Variants in FSD1L observed in about 807,000 individuals in gnomAD.
FSD1L encodes the protein fibronectin type III and SPRY domain containing 1 like.
A neutral mutation model predicts 71.6 loss-of-function variants in FSD1L; 45 were observed. The ratio of observed to expected loss-of-function variants is 0.63; its 90% CI spans 0.49 to 0.81. The LOEUF (loss-of-function observed/expected upper bound fraction) is 0.81, where lower values mean the gene tolerates loss of function less well. FSD1L is among the 30% of genes least tolerant of loss of function. The pLI is 0.00. For synonymous variants in FSD1L, 197 were observed against 207.2 expected (o/e 0.95, Z 0.42); for missense variants, 561 against 618.1 (o/e 0.91, Z 0.98).
intron 10 of FSD1L, chr9:105,521,004 T>A: frequency 6.2e-7 from 1 of 1,612,000 alleles, no homozygotes; most frequent in Non-Finnish European, 8.5e-7. Flanking sequence ...TTACTTGCCT[T>A]ATATTTTTCC....
chr9:105,494,406 A>T (rs1161360320), intron 7 of FSD1L, among the ~76,000 whole-genome samples: 1 of 151,854 alleles, frequency 6.6e-6, no homozygotes, highest in Non-Finnish European at 1.5e-5. Flanking sequence ...ATTCGTCTAA[A>T]TTTTTTTCAA....
upstream of FSD1L, among the ~76,000 whole-genome samples, chr9:105,447,026 G>A (rs1048581033): frequency 1.3e-5 from 2 of 151,948 alleles, no homozygotes; most frequent in Non-Finnish European, 2.9e-5. Context: ...CACTAAGAAT[G>A]ACTATAATGG....
chr9:105,508,676 G>T lies in FSD1L; in HGVS notation c.856G>T (p.Ala286Ser). Residue 286 changes from alanine to serine, a missense_variant, in exon 9 of 14, where the codon GCT becomes TCT. Transcript: ENST00000481272. ...FRVRACNKAV[A>S]GEYSDPVTLE... ...AGTGCGAGCTTGTAACAAGGCTGTG[G>T]CTGGAGAGTATTCTGATCCAGTGAC... 6.4e-7 allele frequency: 1 copy of T among 1,551,372 alleles called. No homozygotes were observed. The highest frequency in any genetic ancestry group is 8.7e-7 in the Non-Finnish European group (1 of 1,146,500).
intron 1 of FSD1L, 141 bp from the exon 2 acceptor site, chr9:105,461,379 A>G: frequency 2.3e-6 from 1 of 433,732 alleles, no homozygotes; most frequent in South Asian, 7.4e-5. Context: ...AAAACTCATT[A>G]ATTGTTAAAT....
At chr9:105,524,359 T>C in intron 10 of FSD1L, 1 of 1,613,980 alleles carries the variant, frequency 6.2e-7, no homozygotes, top group South Asian at 1.1e-5. Context: ...ATAGCTACCA[T>C]CACCCATCTT....
chr9:105,442,361 A>G, the FSD1L span, among the ~76,000 whole-genome samples: 1 of 152,106 alleles, frequency 6.6e-6, no homozygotes, highest in East Asian at 1.9e-4. Context: ...AGAATGATGT[A>G]ACCTCACAGT....
chr9:105,488,820 T>G (rs1185397940), intron 7 of FSD1L, among the ~76,000 whole-genome samples: 3 of 64,972 alleles, frequency 4.6e-5, no homozygotes, highest in Admixed American at 1.4e-4. Context: ...TTACATTGGG[T>G]TTTTTTTTTT....
At chr9:105,450,694 TG>T (rs1394593057) in intron 1 of FSD1L, among the ~76,000 whole-genome samples, 2 of 151,850 alleles carry the variant, frequency 1.3e-5, no homozygotes, top group Admixed American at 6.6e-5. Flanking sequence ...CCACCACCCC[TG>T]GCTAATTTTT....
chr9:105,448,174 ACGGTTCG>A lies in FSD1L; in HGVS notation c.-46_-40del, dbSNP rs1215155630. The A allele has an allele frequency of 6.5e-7, 1 of 1,537,158 alleles. No homozygotes were observed. Among genetic ancestry groups the A allele is most frequent in the Non-Finnish European group, 8.8e-7 (1 of 1,138,814 alleles). ...GTGCGATCTCGCTGAGCCTCCTCACACGGTTCGTCGTCTCGGGTTCGAGCCCAGTGGG... is the reference window on the plus strand; with the variant it reads ...GTGCGATCTCGCTGAGCCTCCTCACATCGTCTCGGGTTCGAGCCCAGTGGG... On this transcript the variant is annotated 5_prime_UTR_variant, in exon 1 of 14. Transcript: ENST00000481272.
At chr9:105,449,161 G>A (rs78128940) in intron 1 of FSD1L, among the ~76,000 whole-genome samples, 1,906 of 152,286 alleles carry the variant, frequency 0.013, 41 homozygotes, top group African/African-American at 0.044. Flanking sequence ...TAGAAAGCAC[G>A]GGAAAGACTT....
At chr9:105,457,505 T>C (rs573173674) in intron 1 of FSD1L, among the ~76,000 whole-genome samples, 24 of 152,372 alleles carry the variant, frequency 1.6e-4, no homozygotes, top group African/African-American at 5.3e-4. Context: ...AGAAAAATTT[T>C]GCTACAGTGA....
At chr9:105,447,943 C>A, upstream of FSD1L, 2 of 524,354 alleles carry the variant, frequency 3.8e-6, no homozygotes, top group Middle Eastern at 5.0e-4. Context: ...ACGGGCGGCG[C>A]TCCCCACCCT....
At chr9:105,495,763 T>G (rs1375171532) in intron 7 of FSD1L, among the ~76,000 whole-genome samples, 1 of 152,254 alleles carries the variant, frequency 6.6e-6, no homozygotes, top group East Asian at 1.9e-4. Flanking sequence ...GATCACAAGG[T>G]CAGGAGATCG....
intron 6 of FSD1L, among the ~76,000 whole-genome samples, chr9:105,483,587 A>C (rs2131704312): frequency 6.6e-6 from 1 of 152,358 alleles, no homozygotes; most frequent in African/African-American, 2.4e-5. Context: ...TTAAAAATTA[A>C]TAGAATAAGA....
chr9:105,526,256 C>G, intron 10 of FSD1L: 1 of 1,602,032 alleles, frequency 6.2e-7, no homozygotes, highest in Non-Finnish European at 8.5e-7. Flanking sequence ...TACCTGCAAA[C>G]AATTGTCCAG....
chr9:105,462,884 TC>T (rs1830805238), intron 2 of FSD1L, among the ~76,000 whole-genome samples: 1 of 149,556 alleles, frequency 6.7e-6, no homozygotes, highest in Non-Finnish European at 1.5e-5. Context: ...ACACCTGCAG[TC>T]CCAGCACTTT....
chr9:105,522,236 G>A, intron 10 of FSD1L: 7 of 1,613,392 alleles, frequency 4.3e-6, no homozygotes, highest in Non-Finnish European at 5.1e-6. Flanking sequence ...TGGCCACTGA[G>A]TGGTCACTGA....
At chr9:105,453,000 G>A (rs1418676663) in intron 1 of FSD1L, among the ~76,000 whole-genome samples, 1 of 147,756 alleles carries the variant, frequency 6.8e-6, no homozygotes, top group Admixed American at 6.8e-5. Flanking sequence ...GCCTCCTAAA[G>A]TGCTGGGATT....
At chr9:105,456,754 A>G (rs568812318) in intron 1 of FSD1L, among the ~76,000 whole-genome samples, 45 of 152,354 alleles carry the variant, frequency 3.0e-4, no homozygotes, top group African/African-American at 1.1e-3. Flanking sequence ...CAGACTTCCT[A>G]TGGAGACTTA....
Sources: allele counts gnomAD v4.1 joint callset (sites outside exome capture counted in the v4.1 genomes callset), GRCh38; gene constraint gnomAD v4.1.1; transcripts MANE v1.5; gene names NCBI Gene and HGNC (gene_info 2026-07-23, HGNC 2026-07-21).